The following PRR16 variants were observed in gnomAD, a reference collection of about 807,000 sequenced individuals.
PRR16 encodes protein Largen.
PRR16 carries 6 observed loss-of-function variants against 18.2 expected under a neutral mutation model. That is an observed-to-expected ratio of 0.33 (90% CI 0.18 to 0.65). The LOEUF (loss-of-function observed/expected upper bound fraction) is 0.65. Among genes scored for constraint, PRR16 ranks in the 30% least tolerant of loss-of-function variants. The pLI is 0.74. For synonymous variants in PRR16, 151 were observed against 147.8 expected (o/e 1.02, Z -0.16); for missense variants, 412 against 376.6 (o/e 1.09, Z -0.78).
intron 1 of PRR16, among the ~76,000 whole-genome samples, chr5:120,564,005 G>T (rs546344278): frequency 2.1e-3 from 321 of 152,228 alleles, no homozygotes; most frequent in Non-Finnish European, 3.1e-3. Flanking sequence ...CTTCAGGGCA[G>T]TGAGTCCCTT....
the PRR16 span, among the ~76,000 whole-genome samples, chr5:120,772,487 A>C: frequency 6.6e-6 from 1 of 152,120 alleles, no homozygotes; most frequent in East Asian, 1.9e-4. Flanking sequence ...ATATACCGTT[A>C]ATGTAAAGCT....
chr5:120,787,119 T>G, the PRR16 span, among the ~76,000 whole-genome samples: 4 of 152,184 alleles, frequency 2.6e-5, no homozygotes, highest in Non-Finnish European at 5.9e-5. Flanking sequence ...TGTTGATCAT[T>G]TATTTTTTAT....
intron 1 of PRR16, among the ~76,000 whole-genome samples, chr5:120,505,078 C>T (rs1487279034): frequency 4.6e-5 from 7 of 152,112 alleles, no homozygotes; most frequent in Non-Finnish European, 1.0e-4. Flanking sequence ...CAAAATAATA[C>T]TAAAAAAGAA....
chr5:120,754,370 A>AATATTTATATACAT, the PRR16 span, among the ~76,000 whole-genome samples: 1 of 57,048 alleles, frequency 1.8e-5, no homozygotes, highest in South Asian at 6.2e-4. Flanking sequence ...ATAAATATAT[A>AATATTTATATACAT]ATATATAACA....
chr5:120,492,292 GTGTGTGT>G (rs1478158539), intron 1 of PRR16, among the ~76,000 whole-genome samples: 10 of 146,854 alleles, frequency 6.8e-5, no homozygotes, highest in African/African-American at 2.0e-4. Context: ...GTGTGTGTGT[GTGTGTGT>G]GGAGAGACAC....
chr5:120,788,114 G>A, the PRR16 span, among the ~76,000 whole-genome samples: 1 of 151,692 alleles, frequency 6.6e-6, no homozygotes, highest in Middle Eastern at 3.2e-3. Context: ...GCTCACTACC[G>A]CCGTGTTCAT....
chr5:120,723,393 G>GA, the PRR16 span, among the ~76,000 whole-genome samples: 1 of 151,764 alleles, frequency 6.6e-6, no homozygotes, highest in South Asian at 2.1e-4. Context: ...TTTCAGCACG[G>GA]AAAAAAGAAA....
chr5:120,774,946 G>T, the PRR16 span, among the ~76,000 whole-genome samples: 1 of 152,118 alleles, frequency 6.6e-6, no homozygotes, highest in Admixed American at 6.6e-5. Flanking sequence ...CAACCTCAAA[G>T]AGTTTTACTG....
chr5:120,745,109 C>G, the PRR16 span, among the ~76,000 whole-genome samples: 1 of 152,168 alleles, frequency 6.6e-6, no homozygotes, highest in African/African-American at 2.4e-5. Flanking sequence ...CCTCCCTAAT[C>G]ATAAGAAGAT....
chr5:120,639,818 T>C (rs1412293444), intron 1 of PRR16, among the ~76,000 whole-genome samples: 1 of 151,764 alleles, frequency 6.6e-6, no homozygotes, highest in East Asian at 1.9e-4. Context: ...TAAATCATTT[T>C]ACCAAAAAGA....
In PRR16 at chr5:120,505,177, G is replaced by A. The variant is rs1304276845; in HGVS notation, c.159+40532G>A. ...ACACTTTTCTGACTAGTGGAAATGA[G>A]TTGCAGGATAATATAAACTTAATGA... On this transcript the variant is annotated intron_variant, in intron 1 of 1. Transcript: ENST00000407149. 2.6e-5 allele frequency among the ~76,000 whole-genome samples: 4 copies of A among 152,212 alleles called. No homozygotes were observed. In the East Asian group the frequency reaches 7.7e-4, roughly 29 times the overall value.
intron 1 of PRR16, among the ~76,000 whole-genome samples, chr5:120,468,022 A>G (rs1749158131): frequency 1.3e-5 from 2 of 152,138 alleles, no homozygotes; most frequent in Admixed American, 1.3e-4. Flanking sequence ...CTGTCTTCCA[A>G]CATCAGCAGT....
the PRR16 span, among the ~76,000 whole-genome samples, chr5:120,738,890 G>T: frequency 6.6e-6 from 1 of 152,258 alleles, no homozygotes; most frequent in African/African-American, 2.4e-5. Context: ...AAAGGAACTG[G>T]CTGGATCAAA....
chr5:120,691,658 T>TAC (rs1475293104), downstream of PRR16, among the ~76,000 whole-genome samples: 80 of 152,280 alleles, frequency 5.3e-4, no homozygotes, highest in African/African-American at 1.7e-3. Context: ...AAAGCGTGCT[T>TAC]ACAACTCTCT....
chr5:120,785,180 T>A, the PRR16 span, among the ~76,000 whole-genome samples: 1 of 152,032 alleles, frequency 6.6e-6, no homozygotes, highest in East Asian at 1.9e-4. Context: ...GTATTGGTTA[T>A]TTTTTTTCCA....
At chr5:120,676,426 T>C (rs1273114424) in intron 1 of PRR16, among the ~76,000 whole-genome samples, 2 of 151,828 alleles carry the variant, frequency 1.3e-5, no homozygotes, top group Non-Finnish European at 2.9e-5. Context: ...CACACCCCCT[T>C]GGTATAGCAG....
At chr5:120,699,393 TG>T in the PRR16 span, among the ~76,000 whole-genome samples, 1 of 151,368 alleles carries the variant, frequency 6.6e-6, no homozygotes, top group Non-Finnish European at 1.5e-5. Flanking sequence ...TTTGGGGAAA[TG>T]GGGTGAATGT....
chr5:120,665,427 A>T (rs1280049228), intron 1 of PRR16, among the ~76,000 whole-genome samples: 1 of 151,876 alleles, frequency 6.6e-6, no homozygotes, highest in Non-Finnish European at 1.5e-5. Flanking sequence ...CTCTGATGGT[A>T]GTTTCTTTTG....
At chr5:120,529,669 G>GA (rs1358050978) in intron 1 of PRR16, among the ~76,000 whole-genome samples, 1 of 152,096 alleles carries the variant, frequency 6.6e-6, no homozygotes, top group African/African-American at 2.4e-5. Context: ...ATAGGACAGG[G>GA]AAAAAATCCT....
Sources: allele counts gnomAD v4.1 joint callset (sites outside exome capture counted in the v4.1 genomes callset), GRCh38; gene constraint gnomAD v4.1.1; transcripts MANE v1.5; gene names NCBI Gene and HGNC (gene_info 2026-07-23, HGNC 2026-07-21).